The following ZDHHC8 variants were observed in gnomAD, a reference collection of about 807,000 sequenced individuals.
ZDHHC8 encodes the protein zDHHC palmitoyltransferase 8.
A neutral mutation model predicts 61.2 loss-of-function variants in ZDHHC8; 24 were observed. The observed-to-expected ratio is 0.39, with a 90% CI of 0.28 to 0.55. The LOEUF is 0.55. Among genes scored for constraint, ZDHHC8 ranks in the 20% least tolerant of loss-of-function variants. The probability of loss-of-function intolerance (pLI) is 0.60; values close to 1 mark genes in which losing one functional copy is unlikely to be tolerated. For missense variants in ZDHHC8, 935 were observed against 1,102.1 expected (o/e 0.85, Z 2.15); for synonymous variants, 523 against 492.5 (o/e 1.06, Z -0.82).
At chr22:20,145,074 C>G (rs1043662070) in intron 10 of ZDHHC8, among the ~76,000 whole-genome samples, 155 bp from the exon 11 acceptor site, 1 of 152,228 alleles carries the variant, frequency 6.6e-6, no homozygotes, top group African/African-American at 2.4e-5. Context: ...CAGGTGAACC[C>G]TCCAAGCCCA....
chr22:20,137,369 G>T (rs1202965258), intron 1 of ZDHHC8, among the ~76,000 whole-genome samples: 1 of 152,244 alleles, frequency 6.6e-6, no homozygotes, highest in Non-Finnish European at 1.5e-5. Flanking sequence ...CCCCGTTAGG[G>T]CCAGGAGGCA....
chr22:20,140,498 C>A, intron 5 of ZDHHC8, 119 bp from the exon 6 acceptor site: 1 of 1,127,582 alleles, frequency 8.9e-7, no homozygotes, highest in Non-Finnish European at 1.2e-6. Flanking sequence ...GCTGATCCCA[C>A]CTAAGCCACT....
intron 1 of ZDHHC8, among the ~76,000 whole-genome samples, chr22:20,136,132 G>A (rs2050418046): frequency 1.3e-5 from 2 of 152,326 alleles, no homozygotes; most frequent in African/African-American, 4.8e-5. Flanking sequence ...CCCTCCACCC[G>A]TAGCTTGGCT....
chr22:20,146,005 C>T lies in ZDHHC8; in HGVS notation c.*605C>T. 1 of 985,906 alleles carries T rather than the reference C, an allele frequency of 1.0e-6. No homozygotes were observed. The highest frequency in any genetic ancestry group is 1.2e-6 in the Non-Finnish European group (1 of 830,068). 61.1% of individuals were successfully genotyped at this position (985,906 alleles called of 1,614,324 possible). A position where few individuals can be genotyped will look rare whatever the true frequency, so the allele number is the denominator to read the frequency against. ...CAGACGGCCAGCCAGCCAGCTGTGG[C>T]CGGGGGCCCGGCTCCATGTGTCCCG... On this transcript the variant is annotated 3_prime_UTR_variant, in exon 11 of 11. Transcript: ENST00000334554.
At chr22:20,138,869 G>A (rs909491421) in intron 1 of ZDHHC8, among the ~76,000 whole-genome samples, 47 of 142,964 alleles carry the variant, frequency 3.3e-4, no homozygotes, top group Admixed American at 2.5e-3. Flanking sequence ...TACCGCCCCC[G>A]CCCCCTACCC....
chr22:20,145,161 C>G (rs1475858190), intron 10 of ZDHHC8, 68 bp from the exon 11 acceptor site: 7 of 1,341,470 alleles, frequency 5.2e-6, no homozygotes, highest in Non-Finnish European at 6.9e-6. Context: ...TTGCTGCCTC[C>G]TCCGTCCTCT....
chr22:20,141,275 C>A lies in ZDHHC8; in HGVS notation c.953C>A (p.Pro318His). 6.2e-7 allele frequency: 1 copy of A among 1,612,876 alleles called. No homozygotes were observed. Among genetic ancestry groups the A allele is most frequent in the Non-Finnish European group, 8.5e-7 (1 of 1,179,936 alleles). ...CCACTGGACTTGGGGCCACCACTGC[C>A]CCCCAAGATAGAGGCTGGCACGTTC... The part of the protein sequence containing the change: ...EKPLDLGPPL[P>H]PKIEAGTFSS... The change falls in exon 8 of 11, where the codon CCC becomes CAC. Residue 318 changes from proline (P) to histidine (H), a missense_variant. Pro to His is a moderately conservative substitution (Grantham distance 77). Coordinates refer to ENST00000334554, the MANE Select transcript of ZDHHC8 (RefSeq NM_013373.4).
rs190488529 is a variant in ZDHHC8, at chr22:20,145,468, C to T, written c.*68C>T. The T allele has an allele frequency of 3.5e-4, 474 of 1,345,592 alleles. No individual in the cohort carries two copies. The highest frequency in any genetic ancestry group is 1.0e-3 in the Admixed American group (27 of 26,484). The allele number at this position is 1,345,592 out of a possible 1,614,324, so 83.4% of individuals were successfully genotyped here. A position where few individuals can be genotyped will look rare whatever the true frequency, so the allele number is the denominator to read the frequency against. On this transcript the variant is annotated 3_prime_UTR_variant, in exon 11 of 11. Transcript: ENST00000334554. ...GACCCCACAGCGCACCCCCCCTCCC[C>T]ACCAACTTCTCTGCCCCAGGGACCC...
In ZDHHC8 at chr22:20,145,774, C is replaced by T. The variant is rs2050516861; in HGVS notation, c.*374C>T. ...CGCCAGGCCAGCCCCCAATGGTCCC[C>T]TTACGGACAGGTCCCAGAGATGGAC... On this transcript the variant is annotated 3_prime_UTR_variant, in exon 11 of 11. Coordinates refer to ENST00000334554, the MANE Select transcript of ZDHHC8 (RefSeq NM_013373.4). 11 of 994,642 alleles carry T rather than the reference C, an allele frequency of 1.1e-5. No homozygotes were observed. Among genetic ancestry groups the T allele is most frequent in the Non-Finnish European group, 1.3e-5 (11 of 836,300 alleles). The allele number at this position is 994,642 out of a possible 1,614,324, so 61.6% of individuals were successfully genotyped here.
rs773406474 is a variant in ZDHHC8, at chr22:20,139,580, A to G, written c.329A>G (p.His110Arg). Residue 110 changes from histidine (H) to arginine (R), a missense_variant, in exon 3 of 11, where the codon CAC (histidine) becomes CGC (arginine). Coordinates refer to ENST00000334554, the MANE Select transcript of ZDHHC8 (RefSeq NM_013373.4). The part of the protein sequence containing the change: ...QVRMKWCATC[H>R]FYRPPRCSHC... ...CGCATGAAGTGGTGTGCCACGTGCC[A>G]CTTCTACCGCCCGCCGCGCTGCTCC... The G allele has an allele frequency of 1.2e-6, 2 of 1,613,166 alleles. No homozygotes were observed. Among genetic ancestry groups the G allele is most frequent in the Non-Finnish European group, 1.7e-6 (2 of 1,180,002 alleles).
rs371107755 is a variant in ZDHHC8, at chr22:20,143,544, A to C, written c.1914A>C (p.Ala638=). Residue 638 remains alanine, a synonymous_variant, in exon 10 of 11, where the codon GCA becomes GCC. Transcript: ENST00000334554. ...LSSLSSSVSR[A]PRTSSSSLQA... ...CGCTGTCCAGCTCCGTGAGCCGTGC[A>C]CCGCGGACGTCGTCCTCCTCCCTGC... 8.8e-6 allele frequency: 14 copies of C among 1,596,928 alleles called. No individual in the cohort carries two copies. Among genetic ancestry groups the C allele is most frequent in the Non-Finnish European group, 1.1e-5 (13 of 1,175,950 alleles).
intron 9 of ZDHHC8, among the ~76,000 whole-genome samples, chr22:20,141,771 T>C (rs2050473337): frequency 6.6e-6 from 1 of 152,156 alleles, no homozygotes; most frequent in Non-Finnish European, 1.5e-5. Flanking sequence ...GAGCAGGGTG[T>C]CCTGGGAGGG....
rs1241075255 is a variant in ZDHHC8, at chr22:20,132,030, G to A, written c.83G>A (p.Ser28Asn). The part of the protein sequence containing the change: ...ATAAALLVGS[S>N]TLFFVFTCPW... ...GCCGCCGCGCTGCTGGTCGGCTCCA[G>A]CACCCTCTTCTTCGTGTTCACGTGA... The change falls in exon 1 of 11, where the codon AGC becomes AAC. Residue 28 changes from serine to asparagine, a missense_variant. Ser to Asn is a conservative substitution (Grantham distance 46). Coordinates refer to ENST00000334554, the MANE Select transcript of ZDHHC8 (RefSeq NM_013373.4). 1.5e-6 allele frequency: 2 copies of A among 1,371,694 alleles called. No individual in the cohort carries two copies. The highest frequency in any genetic ancestry group is 1.4e-5 in the South Asian group (1 of 71,348). The allele number at this position is 1,371,694 out of a possible 1,614,324, so 85.0% of individuals were successfully genotyped here. A position where few individuals can be genotyped will look rare whatever the true frequency, so the allele number is the denominator to read the frequency against.
Position 20,132,055 on chromosome 22 carries a change from A to G in ZDHHC8, c.104+4A>G. On this transcript the variant is annotated splice_donor_region_variant and intron_variant, in intron 1 of 10. Transcript: ENST00000334554. ...GCACCCTCTTCTTCGTGTTCACGTG[A>G]GTCGGCGCCGCGTCTGGGGGCACGC... 7.7e-7 allele frequency: 1 copy of G among 1,302,130 alleles called. No homozygotes were observed. Among genetic ancestry groups the G allele is most frequent in the African/African-American group, 1.5e-5 (1 of 64,872 alleles). The allele number at this position is 1,302,130 out of a possible 1,614,324, so 80.7% of individuals were successfully genotyped here.
chr22:20,143,231 G>A lies in ZDHHC8; in HGVS notation c.1601G>A (p.Arg534Gln), dbSNP rs377426947. The change falls in exon 10 of 11, where the codon CGG (arginine) becomes CAG (glutamine). Residue 534 changes from arginine (R) to glutamine (Q), a missense_variant. Coordinates refer to ENST00000334554, the MANE Select transcript of ZDHHC8 (RefSeq NM_013373.4). The stretch of plus-strand genomic sequence containing the variant: ...AGCCCCGTGCTGGGCCCCCGCCCCC[G>A]GGAGCCCTCGCCTGTGCGCTACGAC... The part of the protein sequence containing the change: ...SFSPVLGPRP[R>Q]EPSPVRYDNL... The A allele has an allele frequency of 3.7e-5, 59 of 1,606,916 alleles. No individual in the cohort carries two copies. The Middle Eastern group carries it at 6.6e-4, about 18-fold the overall frequency.
At chr22:20,141,126 CT>C (rs112064298) in intron 7 of ZDHHC8, 90 bp from the exon 8 acceptor site, 1 of 1,585,714 alleles carries the variant, frequency 6.3e-7, no homozygotes, top group African/African-American at 1.3e-5. Context: ...TAGACAGATT[CT>C]TGGGAGGGGG....
chr22:20,140,348 CTG>C (rs771312656), intron 5 of ZDHHC8, 131 bp downstream of exon 5: 47 of 982,232 alleles, frequency 4.8e-5, no homozygotes, highest in Non-Finnish European at 7.0e-5. Flanking sequence ...GGCTCCAACT[CTG>C]AGACCCCCAC....
At position 20,146,785 on chromosome 22, in the gene ZDHHC8, G is replaced by T. The variant is rs2050529862; in HGVS notation, c.*1385G>T. 4.1e-6 allele frequency: 5 copies of T among 1,230,778 alleles called. No homozygotes were observed. Among genetic ancestry groups the T allele is most frequent in the East Asian group, 3.2e-5 (1 of 31,172 alleles). The allele number at this position is 1,230,778 out of a possible 1,614,324, so 76.2% of individuals were successfully genotyped here. A position where few individuals can be genotyped will look rare whatever the true frequency, so the allele number is the denominator to read the frequency against. On this transcript the variant is annotated 3_prime_UTR_variant, in exon 11 of 11. Transcript: ENST00000334554. ...CGAGAGCTTGGGGAGATGAAATGGG[G>T]GTGCATAGGGGCCACCTGTTGGCTC... is the stretch of plus-strand genomic sequence containing the variant.
chr22:20,135,130 T>TC, intron 1 of ZDHHC8, among the ~76,000 whole-genome samples: 1 of 152,100 alleles, frequency 6.6e-6, no homozygotes, highest in South Asian at 2.1e-4. Context: ...TGTTTTTTTT[T>TC]AGTAGAGATG....
Sources: gnomAD v4.1 joint callset for allele counts (sites outside exome capture counted in the v4.1 genomes callset) on GRCh38, gnomAD v4.1.1 for gene constraint, MANE v1.5 for transcripts, NCBI Gene and HGNC (gene_info 2026-07-23, HGNC 2026-07-21) for gene names.